The following EXOC2 variants were observed in gnomAD, a reference collection of about 807,000 sequenced individuals.
EXOC2 encodes the protein exocyst complex component 2.
In EXOC2, 70 loss-of-function variants were observed where a neutral mutation model predicts 131.8. The ratio of observed to expected loss-of-function variants is 0.53; its 90% confidence interval spans 0.44 to 0.65. The LOEUF (loss-of-function observed/expected upper bound fraction) is 0.65, where lower values mean the gene tolerates loss of function less well. Among genes scored for constraint, EXOC2 ranks in the 30% least tolerant of loss-of-function variants. The pLI is 0.00. For missense variants in EXOC2, 923 were observed against 1,108.6 expected (o/e 0.83, Z 2.38); for synonymous variants, 411 against 398.4 (o/e 1.03, Z -0.38).
In EXOC2 at chr6:548,255, G is replaced by GA. The variant is rs1347333276; in HGVS notation, c.2238+919dup. On this transcript the variant is annotated intron_variant, in intron 22 of 27. Transcript: ENST00000230449. ...GCCCACTTTGACATTTTCACTCTTT[G>GA]AAAAAAAAATCCCAATGTAGTTCAC... 2.3e-4 allele frequency among the ~76,000 whole-genome samples: 35 copies of GA among 150,786 alleles called. 1 individual carries two copies. The highest frequency in any genetic ancestry group is 5.8e-4 in the East Asian group (3 of 5,186).
chr6:556,743 G>A (rs1757439999), intron 17 of EXOC2, among the ~76,000 whole-genome samples, 179 bp from the exon 18 acceptor site: 1 of 152,164 alleles, frequency 6.6e-6, no homozygotes, highest in African/African-American at 2.4e-5. Context: ...CATATGTTTT[G>A]TACTTCGTAT....
At chr6:507,168 A>C (rs867535934) in intron 23 of EXOC2, among the ~76,000 whole-genome samples, 24 of 22,164 alleles carry the variant, frequency 1.1e-3, no homozygotes, top group African/African-American at 1.2e-3. Context: ...TGACCCCCCC[A>C]CCCACACACA....
At chr6:496,641 G>T (rs2127476231) in intron 25 of EXOC2, among the ~76,000 whole-genome samples, 1 of 152,266 alleles carries the variant, frequency 6.6e-6, no homozygotes, top group East Asian at 1.9e-4. Flanking sequence ...AGAAATTCAT[G>T]CGGGTGCCAT....
chr6:535,524 G>C (rs1766385810), intron 22 of EXOC2, among the ~76,000 whole-genome samples: 1 of 152,122 alleles, frequency 6.6e-6, no homozygotes, highest in South Asian at 2.1e-4. Context: ...ACATTAAAAG[G>C]ATAGTAAAAG....
chr6:687,168 A>ATTTTTTTT (rs1292769233), intron 1 of EXOC2, among the ~76,000 whole-genome samples: 6 of 40,700 alleles, frequency 1.5e-4, no homozygotes, highest in African/African-American at 4.1e-4. Context: ...ATCAAATAAT[A>ATTTTTTTT]TTCTTTTTTT....
intron 26 of EXOC2, among the ~76,000 whole-genome samples, chr6:490,350 T>C (rs987943701): frequency 6.6e-6 from 1 of 152,158 alleles, no homozygotes; most frequent in Non-Finnish European, 1.5e-5. Flanking sequence ...GTTAGTATGT[T>C]GTACAGACAA....
At chr6:487,509 C>A (rs1008619290) in intron 27 of EXOC2, among the ~76,000 whole-genome samples, 1 of 152,120 alleles carries the variant, frequency 6.6e-6, no homozygotes, top group African/African-American at 2.4e-5. Flanking sequence ...CGGATTCAAG[C>A]AATTCTCCTG....
In EXOC2 at chr6:598,245, G is replaced by C. The variant is rs143103038; in HGVS notation, c.971-122C>G. 5.2e-4 allele frequency: 350 copies of C among 673,922 alleles called. 1 individual carries two copies. The African/African-American group carries it at 5.7e-3, about 11-fold the overall frequency. The allele number at this position is 673,922 out of a possible 1,614,324, so 41.7% of individuals were successfully genotyped here. ...CTAAGAGGCACCAGGGCCGTGTCTAGAGTGATCAGAACACTATCTCCGATG... is the reference window on the plus strand; with the variant it reads ...CTAAGAGGCACCAGGGCCGTGTCTACAGTGATCAGAACACTATCTCCGATG... On this transcript the variant is annotated intron_variant, in intron 9 of 27. Coordinates refer to ENST00000230449, the MANE Select transcript of EXOC2 (RefSeq NM_018303.6).
intron 26 of EXOC2, 87 bp from the exon 27 acceptor site, chr6:489,125 G>A: frequency 1.7e-6 from 2 of 1,175,810 alleles, no homozygotes; most frequent in South Asian, 3.1e-5. Flanking sequence ...TTATTGAGAA[G>A]CCAATAAAAG....
At chr6:689,964 A>C (rs1764840242) in intron 1 of EXOC2, among the ~76,000 whole-genome samples, 1 of 152,246 alleles carries the variant, frequency 6.6e-6, no homozygotes, top group African/African-American at 2.4e-5. Context: ...GCATCTAAGC[A>C]ACTCAGCCAG....
intron 6 of EXOC2, among the ~76,000 whole-genome samples, chr6:612,426 A>T (rs757646461): frequency 1.3e-5 from 2 of 152,248 alleles, no homozygotes; most frequent in Non-Finnish European, 2.9e-5. Flanking sequence ...AGAGCCCTTC[A>T]AACATTTAGT....
intron 16 of EXOC2, 73 bp downstream of exon 16, chr6:563,960 T>C: frequency 1.3e-6 from 2 of 1,563,518 alleles, no homozygotes; most frequent in African/African-American, 2.7e-5. Flanking sequence ...TTTCAAGGAT[T>C]TGGACACTGA....
intron 22 of EXOC2, 108 bp downstream of exon 22, chr6:549,067 C>A: frequency 2.4e-6 from 2 of 823,060 alleles, no homozygotes; most frequent in South Asian, 3.1e-5. Context: ...GCTGTGGGGG[C>A]GGCACGCAGA....
intron 22 of EXOC2, 22 bp from the exon 23 acceptor site, chr6:532,632 T>C (rs373331677): frequency 2.6e-5 from 38 of 1,464,808 alleles, no homozygotes; most frequent in Non-Finnish European, 3.3e-5. Flanking sequence ...TAATGAAGAG[T>C]ATGAGTTGCC....
Position 592,524 on chromosome 6 carries a change from C to T in EXOC2, c.1137G>A (p.Lys379=), listed in dbSNP as rs1759598559. The change falls in exon 11 of 28, where the codon AAG becomes AAA. Residue 379 remains lysine, a synonymous_variant. Coordinates refer to ENST00000230449, the MANE Select transcript of EXOC2 (RefSeq NM_018303.6). ...PAWQCIGAQH[K]WILQLMHSCK... is the part of the protein sequence containing the mutation. Reference sequence around the variant, plus strand: ...AACTGTGCATGAGCTGAAGGATCCACTTGTGTTGGGCTCCAATGCATTGCC... The same window carrying T: ...AACTGTGCATGAGCTGAAGGATCCATTTGTGTTGGGCTCCAATGCATTGCC... 1 of 1,614,110 alleles carries T rather than the reference C, an allele frequency of 6.2e-7. No homozygotes were observed. Among genetic ancestry groups the T allele is most frequent in the Non-Finnish European group, 8.5e-7 (1 of 1,180,010 alleles).
intron 4 of EXOC2, among the ~76,000 whole-genome samples, chr6:621,625 T>C (rs2127684572): frequency 6.6e-6 from 1 of 151,980 alleles, no homozygotes; most frequent in Non-Finnish European, 1.5e-5. Flanking sequence ...ACAGATGAGA[T>C]TTTGGGAGGT....
intron 1 of EXOC2, among the ~76,000 whole-genome samples, chr6:667,963 GT>G: frequency 6.6e-6 from 1 of 151,950 alleles, no homozygotes. Flanking sequence ...AATACACTGG[GT>G]TTTTTTCTTT....
intron 22 of EXOC2, among the ~76,000 whole-genome samples, chr6:540,156 T>C (rs113960574): frequency 1.3e-5 from 2 of 152,304 alleles, no homozygotes; most frequent in African/African-American, 2.4e-5. Context: ...GGTTTCACCA[T>C]GTTGGCCAGG....
intron 10 of EXOC2, among the ~76,000 whole-genome samples, chr6:593,536 T>C (rs1759657396): frequency 6.6e-6 from 1 of 152,232 alleles, no homozygotes; most frequent in African/African-American, 2.4e-5. Flanking sequence ...CCCAAATCCA[T>C]AGAGACCATT....
Sources: gnomAD v4.1 joint callset for allele counts (sites outside exome capture counted in the v4.1 genomes callset) on GRCh38, gnomAD v4.1.1 for gene constraint, MANE v1.5 for transcripts, NCBI Gene and HGNC (gene_info 2026-07-23, HGNC 2026-07-21) for gene names.